The following RBMS1 variants were observed in gnomAD, a reference collection of about 807,000 sequenced individuals.
RBMS1 encodes RNA-binding motif, single-stranded-interacting protein 1.
Under a neutral mutation model 62.3 loss-of-function variants are expected in RBMS1, and 17 were observed. The ratio of observed to expected loss-of-function variants is 0.27; its 90% CI spans 0.19 to 0.41. The LOEUF is 0.41. Ranked by LOEUF, RBMS1 falls within the 10% of genes least tolerant of loss-of-function variation. RBMS1 has a pLI of 1.00. For missense variants in RBMS1, 334 were observed against 504.5 expected (o/e 0.66, Z 3.24); for synonymous variants, 172 against 170.0 (o/e 1.01, Z -0.09).
chr2:160,442,450 A>G (rs758140415), intron 1 of RBMS1, among the ~76,000 whole-genome samples: 4 of 152,222 alleles, frequency 2.6e-5, no homozygotes, highest in Non-Finnish European at 5.9e-5. Flanking sequence ...CTTAGTTTAC[A>G]TGTAAGTTGT....
chr2:160,411,680 C>CT (rs1208454131), intron 1 of RBMS1, among the ~76,000 whole-genome samples: 1 of 152,186 alleles, frequency 6.6e-6, no homozygotes, highest in African/African-American at 2.4e-5. Flanking sequence ...ACAAAATTGT[C>CT]TTAAGTACAG....
intron 1 of RBMS1, among the ~76,000 whole-genome samples, chr2:160,390,166 C>T (rs1000374393): frequency 2.4e-4 from 37 of 152,182 alleles, no homozygotes; most frequent in African/African-American, 8.9e-4. Context: ...CACCCACTTA[C>T]ACACCCCAAG....
At position 160,286,179 on chromosome 2, in the gene RBMS1, C is replaced by T. The variant is rs780107648; in HGVS notation, c.756+790G>A. 3.3e-5 allele frequency among the ~76,000 whole-genome samples: 5 copies of T among 150,944 alleles called. No individual in the cohort carries two copies. In the South Asian group the frequency reaches 8.4e-4, roughly 26 times the overall value. Reference sequence around the variant, plus strand: ...GCCAGGAGTGGTGGCATGTCCCTGTCGTCTCAGCTACATAGGAGGCTGAGG... The same window carrying T: ...GCCAGGAGTGGTGGCATGTCCCTGTTGTCTCAGCTACATAGGAGGCTGAGG... On this transcript the variant is annotated intron_variant, in intron 7 of 13. Transcript: ENST00000348849.
intron 1 of RBMS1, chr2:160,407,620 C>T (rs1265430934): frequency 1.2e-5 from 12 of 981,986 alleles, no homozygotes; most frequent in Non-Finnish European, 1.4e-5. Context: ...AGGTGGCCGG[C>T]CGGGCCCGGG....
At chr2:160,324,567 TACTTTA>T (rs1428516155) in intron 2 of RBMS1, among the ~76,000 whole-genome samples, 2 of 151,786 alleles carry the variant, frequency 1.3e-5, no homozygotes, top group African/African-American at 2.4e-5. Flanking sequence ...ACAAAAAAGA[TACTTTA>T]ACTTTGAGAA....
At chr2:160,330,111 G>T (rs552958823) in intron 2 of RBMS1, among the ~76,000 whole-genome samples, 2 of 152,236 alleles carry the variant, frequency 1.3e-5, no homozygotes, top group African/African-American at 2.4e-5. Context: ...TTGGGGAGTG[G>T]TGAGAAAATC....
intron 1 of RBMS1, among the ~76,000 whole-genome samples, chr2:160,431,872 A>G (rs926425007): frequency 1.3e-5 from 2 of 152,170 alleles, no homozygotes; most frequent in African/African-American, 4.8e-5. Flanking sequence ...TCTTCCTGTT[A>G]TATAACCCTC....
In RBMS1 at chr2:160,367,231, A is replaced by G; in HGVS notation, c.236T>C (p.Val79Ala). 6.2e-7 allele frequency: 1 copy of G among 1,613,562 alleles called. No individual in the cohort carries two copies. The highest frequency in any genetic ancestry group is 8.5e-7 in the Non-Finnish European group (1 of 1,179,948). ...TACTACTTACGGTTGACAGAGCTTC[A>G]CCAGGTCCTGGTCGGTGGTGTGGGG... Reference protein sequence around the residue: ...LPPHTTDQDLVKLCQPYGKIV... With the variant: ...LPPHTTDQDLAKLCQPYGKIV... The change falls in exon 2 of 14, where the codon GTG becomes GCG. Residue 79 changes from valine (V) to alanine (A), a missense_variant. Transcript: ENST00000348849.
intron 9 of RBMS1, 79 bp from the exon 10 acceptor site, chr2:160,281,443 A>G (rs1688101107): frequency 8.6e-7 from 1 of 1,157,572 alleles, no homozygotes; most frequent in African/African-American, 1.6e-5. Context: ...CTTTTTAATC[A>G]TGTTAAAAAT....
At chr2:160,457,009 A>G (rs915412091) in intron 1 of RBMS1, among the ~76,000 whole-genome samples, 1 of 152,014 alleles carries the variant, frequency 6.6e-6, no homozygotes, top group African/African-American at 2.4e-5. Context: ...GATATGAGGG[A>G]CTTTGTATAT....
chr2:160,418,143 C>A (rs1374553818), intron 1 of RBMS1, among the ~76,000 whole-genome samples: 1 of 152,216 alleles, frequency 6.6e-6, no homozygotes. Flanking sequence ...CTGTACACTT[C>A]TTGCTGTTAC....
intron 1 of RBMS1, among the ~76,000 whole-genome samples, chr2:160,454,291 T>C (rs1574079859): frequency 6.6e-6 from 1 of 152,208 alleles, no homozygotes; most frequent in Non-Finnish European, 1.5e-5. Context: ...GTTACATGAG[T>C]ATTTACCAAG....
rs1446832745 is a variant in RBMS1, at chr2:160,273,959, T to C, written c.*813A>G. 2 of 152,602 alleles carry C rather than the reference T, an allele frequency of 1.3e-5. No individual in the cohort carries two copies. Among genetic ancestry groups the C allele is most frequent in the Non-Finnish European group, 2.9e-5 (2 of 68,034 alleles). 9.5% of individuals were successfully genotyped at this position (152,602 alleles called of 1,614,324 possible). On this transcript the variant is annotated 3_prime_UTR_variant, in exon 14 of 14. Transcript: ENST00000348849. ...TTTTCCCTTCTTGCATTTCACTACC[T>C]TACACATTATGTGAAAAATCATTAA...
chr2:160,274,526 G>GC lies in RBMS1; in HGVS notation c.*245_*246insG, dbSNP rs1182457467. 4 of 114,780 alleles carry GC rather than the reference G, an allele frequency of 3.5e-5. No homozygotes were observed. Among genetic ancestry groups the GC allele is most frequent in the Admixed American group, 1.8e-4 (2 of 11,130 alleles). The allele number at this position is 114,780 out of a possible 1,614,324, so 7.1% of individuals were successfully genotyped here. A position where few individuals can be genotyped will look rare whatever the true frequency, so the allele number is the denominator to read the frequency against. On this transcript the variant is annotated 3_prime_UTR_variant, in exon 14 of 14. Transcript: ENST00000348849. The stretch of plus-strand genomic sequence containing the variant: ...TAAAAATCTTTTGTTTTTGTTTTTT[G>GC]TTTTTTTTTTTTTACTAAAATAAAC...
intron 1 of RBMS1, among the ~76,000 whole-genome samples, chr2:160,391,027 C>A (rs1694842064): frequency 6.6e-6 from 1 of 151,754 alleles, no homozygotes; most frequent in African/African-American, 2.4e-5. Flanking sequence ...ACAACGTGCC[C>A]AGTTGATGAA....
intron 1 of RBMS1, among the ~76,000 whole-genome samples, chr2:160,488,723 ACTACATTTCTTTAAAATAAG>A (rs1685699441): frequency 6.6e-6 from 1 of 152,230 alleles, no homozygotes; most frequent in African/African-American, 2.4e-5. Flanking sequence ...ACAGGTCATT[ACTACATTTCTTTAAAATAAG>A]CTATTTTAGA....
At chr2:160,344,658 G>A (rs1692076169) in intron 2 of RBMS1, among the ~76,000 whole-genome samples, 1 of 152,118 alleles carries the variant, frequency 6.6e-6, no homozygotes, top group African/African-American at 2.4e-5. Context: ...TGTTCATTTT[G>A]CAACTATTTA....
rs115683462 is a variant in RBMS1, at chr2:160,437,764, T to C, written c.75+55525A>G. Among the ~76,000 whole-genome samples the C allele has an allele frequency of 8.1e-3, 1,227 of 152,338 alleles. 13 individuals carry two copies. The highest frequency in any genetic ancestry group is 0.027 in the African/African-American group (1,117 of 41,572). Reference sequence around the variant, plus strand: ...GTCCATATTGCCTGTGCTAAACACATAGCTGTCATTCAGGAAAAATCACAG... The same window carrying C: ...GTCCATATTGCCTGTGCTAAACACACAGCTGTCATTCAGGAAAAATCACAG... On this transcript the variant is annotated intron_variant, in intron 1 of 13. Coordinates refer to ENST00000348849, the MANE Select transcript of RBMS1 (RefSeq NM_016836.4).
At chr2:160,340,600 T>C (rs904417887) in intron 2 of RBMS1, among the ~76,000 whole-genome samples, 18 of 151,984 alleles carry the variant, frequency 1.2e-4, no homozygotes, top group African/African-American at 4.4e-4. Context: ...CAAATTCAAG[T>C]AGGAAGAAAT....
Sources: allele counts gnomAD v4.1 joint callset (sites outside exome capture counted in the v4.1 genomes callset), GRCh38; gene constraint gnomAD v4.1.1; transcripts MANE v1.5; gene names NCBI Gene and HGNC (gene_info 2026-07-23, HGNC 2026-07-21).